Variants in CAMK2D observed in about 807,000 individuals in gnomAD.
CAMK2D encodes calcium/calmodulin-dependent protein kinase type II subunit delta.
A neutral mutation model predicts 84.0 loss-of-function variants in CAMK2D; 37 were observed. The observed-to-expected ratio is 0.44, with a 90% confidence interval of 0.34 to 0.58. The LOEUF is 0.58. Among genes scored for constraint, CAMK2D ranks in the 20% least tolerant of loss-of-function variants. The pLI is 0.02. For synonymous variants in CAMK2D, 202 were observed against 212.5 expected (o/e 0.95, Z 0.43); for missense variants, 448 against 652.5 (o/e 0.69, Z 3.41).
At chr4:113,629,208 C>A (rs1030464245) in intron 3 of CAMK2D, among the ~76,000 whole-genome samples, 1 of 151,980 alleles carries the variant, frequency 6.6e-6, no homozygotes, top group Admixed American at 6.6e-5. Flanking sequence ...CCTCGGAAAA[C>A]CTTTTAGAAA....
chr4:113,661,094 C>T (rs2099229615), intron 3 of CAMK2D, among the ~76,000 whole-genome samples: 1 of 152,192 alleles, frequency 6.6e-6, no homozygotes, highest in Non-Finnish European at 1.5e-5. Context: ...CGCGCCCGGC[C>T]TGTAGCTGAA....
chr4:113,457,222 G>A (rs1252606676), intron 19 of CAMK2D, 113 bp downstream of exon 19: 1 of 1,472,148 alleles, frequency 6.8e-7, no homozygotes, highest in African/African-American at 1.4e-5. Flanking sequence ...TTTCATCAGT[G>A]TAACCAACTA....
intron 3 of CAMK2D, among the ~76,000 whole-genome samples, chr4:113,639,409 A>G (rs2154293082): frequency 6.6e-6 from 1 of 152,232 alleles, no homozygotes; most frequent in African/African-American, 2.4e-5. Flanking sequence ...CTAAGGCCAA[A>G]TGGCTTTTTG....
chr4:113,695,912 C>A (rs1317302258), intron 2 of CAMK2D, among the ~76,000 whole-genome samples: 1 of 151,948 alleles, frequency 6.6e-6, no homozygotes, highest in African/African-American at 2.4e-5. Context: ...ATGAGCTGTG[C>A]CCCTGCCCCT....
At chr4:113,567,553 C>G (rs1007530206) in intron 4 of CAMK2D, among the ~76,000 whole-genome samples, 6 of 152,150 alleles carry the variant, frequency 3.9e-5, no homozygotes, top group South Asian at 2.1e-4. Context: ...CATTTCTAAG[C>G]TTTATAATTC....
intron 16 of CAMK2D, among the ~76,000 whole-genome samples, chr4:113,497,468 GGT>G (rs1018632674): frequency 4.1e-4 from 63 of 152,346 alleles, no homozygotes; most frequent in African/African-American, 1.5e-3. Flanking sequence ...GGCTTTCTAA[GGT>G]GCTCCAGACT....
intron 4 of CAMK2D, among the ~76,000 whole-genome samples, chr4:113,595,857 G>A (rs961780505): frequency 6.6e-6 from 1 of 152,146 alleles, no homozygotes; most frequent in East Asian, 1.9e-4. Flanking sequence ...TGACTGATGG[G>A]GTGGTGGCTG....
At chr4:113,693,196 C>T (rs2099393349) in intron 2 of CAMK2D, among the ~76,000 whole-genome samples, 1 of 152,072 alleles carries the variant, frequency 6.6e-6, no homozygotes, top group South Asian at 2.1e-4. Context: ...TCTCCTCAAG[C>T]AGCAGTCCTG....
intron 2 of CAMK2D, among the ~76,000 whole-genome samples, chr4:113,664,466 C>G (rs2099249853): frequency 1.3e-5 from 2 of 152,138 alleles, no homozygotes; most frequent in African/African-American, 4.8e-5. Context: ...GATCTGCTTC[C>G]AAGCTGGCAT....
At chr4:113,514,462 T>C (rs2098259878) in intron 10 of CAMK2D, among the ~76,000 whole-genome samples, 1 of 152,088 alleles carries the variant, frequency 6.6e-6, no homozygotes, top group Admixed American at 6.5e-5. Context: ...ATATTAATAA[T>C]TTCTCAAATT....
At chr4:113,739,441 C>A (rs2099587992) in intron 2 of CAMK2D, among the ~76,000 whole-genome samples, 1 of 151,838 alleles carries the variant, frequency 6.6e-6, no homozygotes, top group Admixed American at 6.6e-5. Context: ...CAGGCACTTG[C>A]CAACAAAAAA....
intron 3 of CAMK2D, among the ~76,000 whole-genome samples, chr4:113,658,164 CT>C (rs1472504319): frequency 6.6e-6 from 1 of 152,188 alleles, no homozygotes; most frequent in Non-Finnish European, 1.5e-5. Context: ...AACACTCCTC[CT>C]TTGTTGGCTG....
At chr4:113,600,440 T>A (rs1370038269) in intron 4 of CAMK2D, among the ~76,000 whole-genome samples, 1 of 152,306 alleles carries the variant, frequency 6.6e-6, no homozygotes, top group South Asian at 2.1e-4. Context: ...TTTCCACTCA[T>A]TTTTGCTGTA....
chr4:113,601,961 A>G (rs1323140261), intron 4 of CAMK2D, among the ~76,000 whole-genome samples: 15 of 152,038 alleles, frequency 9.9e-5, no homozygotes, highest in Non-Finnish European at 8.8e-5. Flanking sequence ...CTCCCAAAGC[A>G]CTTGTGATTA....
At position 113,502,796 on chromosome 4, in the gene CAMK2D, A is replaced by G. The variant is rs920718080; in HGVS notation, c.1086+140T>C. The G allele has an allele frequency of 4.4e-5, 29 of 657,344 alleles. No homozygotes were observed. The African/African-American group carries it at 5.1e-4, about 11-fold the overall frequency. The allele number at this position is 657,344 out of a possible 1,614,324, so 40.7% of individuals were successfully genotyped here. A position where few individuals can be genotyped will look rare whatever the true frequency, so the allele number is the denominator to read the frequency against. On this transcript the variant is annotated intron_variant, in intron 15 of 20. Transcript: ENST00000511664. The stretch of plus-strand genomic sequence containing the variant: ...AAGAAGTATGTCCATAGTTCTAGAT[A>G]AATTAGGCCCAAAAGGAAGTGTGGT...
intron 6 of CAMK2D, among the ~76,000 whole-genome samples, chr4:113,541,233 A>G (rs2098528133): frequency 6.6e-6 from 1 of 152,204 alleles, no homozygotes; most frequent in African/African-American, 2.4e-5. Context: ...GGAGGCCCAA[A>G]AAGATGAAGC....
chr4:113,603,984 T>C (rs1002926403), intron 4 of CAMK2D, among the ~76,000 whole-genome samples: 9 of 151,386 alleles, frequency 5.9e-5, no homozygotes, highest in African/African-American at 2.2e-4. Flanking sequence ...TTCATAGAAC[T>C]CATGTTCTTT....
intron 8 of CAMK2D, among the ~76,000 whole-genome samples, chr4:113,525,066 C>T (rs2098405970): frequency 1.3e-5 from 2 of 152,158 alleles, no homozygotes; most frequent in South Asian, 2.1e-4. Flanking sequence ...TAATGACTTA[C>T]ACCAGCTGAA....
chr4:113,705,935 CCATATA>C (rs2099451740), intron 2 of CAMK2D, among the ~76,000 whole-genome samples: 2 of 152,066 alleles, frequency 1.3e-5, no homozygotes, highest in Admixed American at 1.3e-4. Context: ...ACCTGTAACA[CCATATA>C]ACTTTCTGCA....
Sources: allele counts gnomAD v4.1 joint callset (sites outside exome capture counted in the v4.1 genomes callset), GRCh38; gene constraint gnomAD v4.1.1; transcripts MANE v1.5; gene names NCBI Gene and HGNC (gene_info 2026-07-23, HGNC 2026-07-21).